The following TFCP2L1 variants were observed in gnomAD, a reference collection of about 807,000 sequenced individuals.
TFCP2L1 encodes transcription factor CP2-like protein 1.
TFCP2L1 carries 12 observed loss-of-function variants against 72.2 expected under a neutral mutation model. The observed-to-expected ratio is 0.17, with a 90% confidence interval of 0.11 to 0.27. The LOEUF (loss-of-function observed/expected upper bound fraction) is 0.27. Among genes scored for constraint, TFCP2L1 ranks in the 10% least tolerant of loss-of-function variants. TFCP2L1 has a pLI of 1.00. For synonymous variants in TFCP2L1, 260 were observed against 251.0 expected, an observed-to-expected ratio of 1.04 and a Z score of -0.34; for missense variants, 488 against 624.6, an observed-to-expected ratio of 0.78 and a Z score of 2.33.
At chr2:121,280,066 A>G (rs1687224715) in intron 2 of TFCP2L1, among the ~76,000 whole-genome samples, 1 of 152,176 alleles carries the variant, frequency 6.6e-6, no homozygotes, top group African/African-American at 2.4e-5. Context: ...ACACTTGCCC[A>G]CGTGTTCTGG....
chr2:121,256,251 T>C lies in TFCP2L1; in HGVS notation c.215-6604A>G, dbSNP rs574998575. Among the ~76,000 whole-genome samples, 7 of 152,150 alleles carry C rather than the reference T, an allele frequency of 4.6e-5. No individual in the cohort carries two copies. The South Asian group carries it at 1.4e-3, about 31-fold the overall frequency. On this transcript the variant is annotated intron_variant, in intron 2 of 14. Transcript: ENST00000263707. ...GATACACTAGTCCCCCTGAAACACA[T>C]GTTGCCATACTCTGAACATACTGTA...
chr2:121,237,666 G>A lies in TFCP2L1; in HGVS notation c.960C>T (p.Arg320=). The A allele has an allele frequency of 6.2e-7, 1 of 1,614,228 alleles. No homozygotes were observed. Among genetic ancestry groups the A allele is most frequent in the Non-Finnish European group, 8.5e-7 (1 of 1,180,044 alleles). The change falls in exon 10 of 15, where the codon CGC becomes CGT. Residue 320 remains arginine, a synonymous_variant. Transcript: ENST00000263707. ...GCCGGCAGAACTGCGAGAACCTGTT[G>A]CGGTGAAGCCACTGCTGGGCATCCT... ...SIQDAQQWLH[R]NRFSQFCRLF...
chr2:121,244,808 G>A (rs895063611), intron 6 of TFCP2L1, among the ~76,000 whole-genome samples: 17 of 152,200 alleles, frequency 1.1e-4, no homozygotes, highest in African/African-American at 3.4e-4. Context: ...GAGCAGAGAC[G>A]CGGTCTGTAC....
chr2:121,234,176 C>A lies in TFCP2L1; in HGVS notation c.1113G>T (p.Met371Ile). 1 of 1,614,150 alleles carries A rather than the reference C, an allele frequency of 6.2e-7. No homozygotes were observed. The highest frequency in any genetic ancestry group is 1.1e-5 in the South Asian group (1 of 91,056). ...CCAGCTCCTGACAGACATAAATGGT[C>A]ATCTTTGGCCTCACATTCCTGGCAG... ...AIKGRNVRPK[M>I]TIYVCQELEQ... The change falls in exon 12 of 15, where the codon ATG (methionine) becomes ATT (isoleucine). Residue 371 changes from methionine (M) to isoleucine (I), a missense_variant. By Grantham distance (10) the Met-to-Ile change is conservative. This residue lies in a region of TFCP2L1 where 286 missense variants were observed against 329.0 expected (regional missense o/e 0.87). Coordinates refer to ENST00000263707, the MANE Select transcript of TFCP2L1 (RefSeq NM_014553.3).
intron 2 of TFCP2L1, among the ~76,000 whole-genome samples, chr2:121,265,134 T>C (rs1489046594): frequency 6.6e-6 from 1 of 152,230 alleles, no homozygotes; most frequent in East Asian, 1.9e-4. Context: ...GGAATATTAT[T>C]TAGCAATAAA....
chr2:121,283,470 G>A (rs1444601522), intron 1 of TFCP2L1, among the ~76,000 whole-genome samples: 1 of 152,110 alleles, frequency 6.6e-6, no homozygotes, highest in Non-Finnish European at 1.5e-5. Flanking sequence ...CTTTATCCAT[G>A]GTCCCCCGAT....
chr2:121,240,216 G>A (rs755231533), intron 7 of TFCP2L1: 1 of 985,246 alleles, frequency 1.0e-6, no homozygotes, highest in Non-Finnish European at 1.2e-6. Context: ...GCATTCTGCT[G>A]GGGGCTAAGG....
chr2:121,240,683 T>C, intron 7 of TFCP2L1: 4 of 985,082 alleles, frequency 4.1e-6, no homozygotes, highest in Non-Finnish European at 4.8e-6. Context: ...AGCAGAGAGG[T>C]TGAGGCTGTT....
chr2:121,262,433 C>T (rs374612902), intron 2 of TFCP2L1, among the ~76,000 whole-genome samples: 20 of 152,222 alleles, frequency 1.3e-4, no homozygotes, highest in African/African-American at 4.8e-4. Context: ...CACTGCACTC[C>T]AGCCTGGGTG....
chr2:121,279,822 G>C lies in TFCP2L1; in HGVS notation c.214+1298C>G, dbSNP rs909419508. 7.9e-5 allele frequency among the ~76,000 whole-genome samples: 12 copies of C among 152,222 alleles called. No homozygotes were observed. In the East Asian group the frequency reaches 2.1e-3, roughly 27 times the overall value. ...GTCTGCTCTGCCCATTGAAAGTAGA[G>C]GGGTATCATACCAGTCAGGGGTAGA... On this transcript the variant is annotated intron_variant, in intron 2 of 14. Coordinates refer to ENST00000263707, the MANE Select transcript of TFCP2L1 (RefSeq NM_014553.3).
At chr2:121,265,254 A>C (rs550460954) in intron 2 of TFCP2L1, among the ~76,000 whole-genome samples, 8 of 152,348 alleles carry the variant, frequency 5.3e-5, no homozygotes, top group Admixed American at 3.9e-4. Context: ...TTTATGTGAA[A>C]AGTCTAGAAT....
chr2:121,282,518 TAA>T (rs796221589), intron 1 of TFCP2L1, among the ~76,000 whole-genome samples: 73 of 116,954 alleles, frequency 6.2e-4, no homozygotes, highest in Middle Eastern at 4.1e-3. Flanking sequence ...CCACCATCTC[TAA>T]AAAAAAAAAA....
At chr2:121,271,952 A>T (rs1353029964) in intron 2 of TFCP2L1, among the ~76,000 whole-genome samples, 1 of 151,982 alleles carries the variant, frequency 6.6e-6, no homozygotes, top group African/African-American at 2.4e-5. Context: ...CCAAGGAGGC[A>T]TTTTCTCCCC....
At chr2:121,240,270 A>G (rs1686342180) in intron 7 of TFCP2L1, 1 of 985,308 alleles carries the variant, frequency 1.0e-6, no homozygotes, top group Non-Finnish European at 1.2e-6. Context: ...CCTCGAAAAC[A>G]TTCTACTATG....
At chr2:121,247,246 C>A (rs1686508145) in intron 5 of TFCP2L1, among the ~76,000 whole-genome samples, 1 of 152,132 alleles carries the variant, frequency 6.6e-6, no homozygotes, top group African/African-American at 2.4e-5. Context: ...AGGCCACTGA[C>A]CCCAATAACC....
intron 2 of TFCP2L1, among the ~76,000 whole-genome samples, chr2:121,250,543 G>C (rs976320988): frequency 6.6e-6 from 1 of 151,140 alleles, no homozygotes; most frequent in Non-Finnish European, 1.5e-5. Context: ...AGCATATATC[G>C]CAATTTAATA....
intron 12 of TFCP2L1, among the ~76,000 whole-genome samples, chr2:121,233,198 C>CT (rs1055323815): frequency 2.0e-5 from 3 of 151,156 alleles, no homozygotes; most frequent in Admixed American, 6.6e-5. Context: ...GTGCACTTTT[C>CT]TTTTTTTTTC....
At chr2:121,243,919 G>A (rs1379913215) in intron 6 of TFCP2L1, among the ~76,000 whole-genome samples, 2 of 152,046 alleles carry the variant, frequency 1.3e-5, no homozygotes, top group Non-Finnish European at 1.5e-5. Context: ...GTGGAAAAAC[G>A]GTCTTCCACA....
At chr2:121,279,833 C>A (rs1283850797) in intron 2 of TFCP2L1, among the ~76,000 whole-genome samples, 1 of 152,202 alleles carries the variant, frequency 6.6e-6, no homozygotes, top group South Asian at 2.1e-4. Context: ...GGGTATCATA[C>A]CAGTCAGGGG....
Sources: gnomAD v4.1 joint callset for allele counts (sites outside exome capture counted in the v4.1 genomes callset) on GRCh38, gnomAD v4.1.1 for gene constraint, gnomAD v4.1.1 regional missense constraint, MANE v1.5 for transcripts, NCBI Gene and HGNC (gene_info 2026-07-23, HGNC 2026-07-21) for gene names.